SPTLC2: variants seen among roughly 807,000 people sequenced by gnomAD.
The protein encoded by SPTLC2 is serine palmitoyltransferase long chain base subunit 2, also known as serine palmitoyltransferase 2.
A neutral mutation model predicts 62.0 loss-of-function variants in SPTLC2; 21 were observed. The observed-to-expected ratio is 0.34, with a 90% confidence interval of 0.24 to 0.49. The LOEUF (loss-of-function observed/expected upper bound fraction) is 0.49, where lower values mean the gene tolerates loss of function less well. Ranked by LOEUF, SPTLC2 falls within the 20% of genes least tolerant of loss-of-function variation. The probability of loss-of-function intolerance (pLI) is 0.99; values close to 1 mark genes in which losing one functional copy is unlikely to be tolerated. For synonymous variants in SPTLC2, 261 were observed against 261.8 expected, an observed-to-expected ratio of 1.00 and a Z score of 0.03; for missense variants, 511 against 713.0, an observed-to-expected ratio of 0.72 and a Z score of 3.23.
intron 9 of SPTLC2, among the ~76,000 whole-genome samples, chr14:77,522,079 T>C (rs1873992481): frequency 6.6e-6 from 1 of 152,244 alleles, no homozygotes; most frequent in South Asian, 2.1e-4. Flanking sequence ...ATTTTACACA[T>C]AAGACCAGAG....
At position 77,539,844 on chromosome 14, in the gene SPTLC2, A is replaced by AAACGTGTAGTCAAAATCT. The variant is rs1342423331; in HGVS notation, c.1303+12251_1303+12252insAGATTTTGACTACACGTT. On this transcript the variant is annotated intron_variant, in intron 9 of 11. Transcript: ENST00000216484. ...TTTTTTTGTAGCTGGCACGTGGTTA[A>AAACGTGTAGTCAAAATCT]GTAGTCAAAAACAGATTGCTGACTG... Among the ~76,000 whole-genome samples the AAACGTGTAGTCAAAATCT allele has an allele frequency of 5.1e-3, 779 of 152,252 alleles. 6 individuals are homozygous for AAACGTGTAGTCAAAATCT. The highest frequency in any genetic ancestry group is 0.018 in the African/African-American group (732 of 41,538).
intron 7 of SPTLC2, among the ~76,000 whole-genome samples, chr14:77,556,331 AC>A (rs1349900490): frequency 2.4e-5 from 3 of 125,906 alleles, no homozygotes; most frequent in African/African-American, 9.1e-5. Context: ...AGCCACCCAA[AC>A]CACCAAAAAA....
At position 77,534,588 on chromosome 14, in the gene SPTLC2, T is replaced by TACACACACAAACACACACAC. The variant is rs1555373990; in HGVS notation, c.1304-13008_1304-13007insGTGTGTGTGTTTGTGTGTGT. The stretch of plus-strand genomic sequence containing the variant: ...ATAATAAACATTTCACATATTTCAG[T>TACACACACAAACACACACAC]ACACACACACACACACATATGCTAA... On this transcript the variant is annotated intron_variant, in intron 9 of 11. Coordinates refer to ENST00000216484, the MANE Select transcript of SPTLC2 (RefSeq NM_004863.4). Among the ~76,000 whole-genome samples the TACACACACAAACACACACAC allele has an allele frequency of 7.8e-5, 11 of 141,128 alleles. No individual in the cohort carries two copies. In the Admixed American group the frequency reaches 7.8e-4, roughly 10 times the overall value. The allele number at this position is 141,128 out of a possible 152,430, so 92.6% of individuals were successfully genotyped here.
intron 1 of SPTLC2, among the ~76,000 whole-genome samples, chr14:77,602,269 A>ATC (rs767589178): frequency 2.6e-5 from 4 of 152,264 alleles, no homozygotes; most frequent in Non-Finnish European, 4.4e-5. Flanking sequence ...AGCTCCACTT[A>ATC]GACTTCATGG....
chr14:77,531,450 C>T (rs1485412166), intron 9 of SPTLC2, among the ~76,000 whole-genome samples: 4 of 139,344 alleles, frequency 2.9e-5, no homozygotes, highest in African/African-American at 8.7e-5. Flanking sequence ...TCTTCTCCTC[C>T]TTCTCCTCCT....
chr14:77,519,501 G>A (rs1043578404), intron 10 of SPTLC2, among the ~76,000 whole-genome samples: 3 of 152,062 alleles, frequency 2.0e-5, no homozygotes, highest in African/African-American at 7.2e-5. Context: ...CAGATCACCT[G>A]AGGTCAGGAG....
chr14:77,560,321 C>T (rs977608837), intron 6 of SPTLC2, among the ~76,000 whole-genome samples: 8 of 152,194 alleles, frequency 5.3e-5, no homozygotes, highest in Non-Finnish European at 4.4e-5. Context: ...GGCGTGGTGG[C>T]TTATGCCTAT....
At chr14:77,585,575 T>C (rs1025101474) in intron 2 of SPTLC2, among the ~76,000 whole-genome samples, 2 of 152,182 alleles carry the variant, frequency 1.3e-5, no homozygotes, top group African/African-American at 4.8e-5. Context: ...TTGGAAAACA[T>C]GCTTAGAACT....
chr14:77,569,545 G>C (rs1240899754), intron 5 of SPTLC2, among the ~76,000 whole-genome samples: 3 of 151,804 alleles, frequency 2.0e-5, no homozygotes, highest in African/African-American at 7.3e-5. Flanking sequence ...ACACAGCTAA[G>C]TGTGACCATA....
intron 9 of SPTLC2, among the ~76,000 whole-genome samples, chr14:77,549,007 G>A (rs1011302269): frequency 2.6e-5 from 4 of 152,196 alleles, no homozygotes; most frequent in Non-Finnish European, 4.4e-5. Context: ...AATGATAAAT[G>A]TAATATATTC....
chr14:77,615,161 A>G (rs1286456241), intron 1 of SPTLC2, among the ~76,000 whole-genome samples: 1 of 152,208 alleles, frequency 6.6e-6, no homozygotes, highest in African/African-American at 2.4e-5. Context: ...GCTGACTGTT[A>G]TCACTTCCTC....
intron 1 of SPTLC2, among the ~76,000 whole-genome samples, chr14:77,606,985 C>T (rs1027019187): frequency 4.1e-5 from 6 of 146,824 alleles, no homozygotes; most frequent in Non-Finnish European, 7.5e-5. Context: ...CAAGACCCAT[C>T]TCAAAAAAAA....
chr14:77,526,248 C>T lies in SPTLC2; in HGVS notation c.1304-4667G>A, dbSNP rs533043612. ...TGCAAGAAGACCAATTGCTATTTAACGCCAGTGTAGTAGCTCAGTCCCAAG... is the reference window on the plus strand; with the variant it reads ...TGCAAGAAGACCAATTGCTATTTAATGCCAGTGTAGTAGCTCAGTCCCAAG... On this transcript the variant is annotated intron_variant, in intron 9 of 11. Transcript: ENST00000216484. Among the ~76,000 whole-genome samples the T allele has an allele frequency of 2.1e-4, 32 of 152,250 alleles. 1 individual carries two copies. The East Asian group carries it at 3.9e-3, about 18-fold the overall frequency.
chr14:77,567,479 T>C (rs1299665425), intron 5 of SPTLC2, among the ~76,000 whole-genome samples: 1 of 152,282 alleles, frequency 6.6e-6, no homozygotes, highest in Non-Finnish European at 1.5e-5. Flanking sequence ...CATACATTTA[T>C]GTCTTACAAG....
intron 11 of SPTLC2, among the ~76,000 whole-genome samples, chr14:77,513,159 G>A (rs2079341729): frequency 6.7e-6 from 1 of 150,214 alleles, no homozygotes; most frequent in African/African-American, 2.4e-5. Context: ...TGAGTAGCTG[G>A]GACTACAGGC....
At chr14:77,515,988 C>CTGTGTG (rs142493170) in intron 11 of SPTLC2, among the ~76,000 whole-genome samples, 9,888 of 151,026 alleles carry the variant, frequency 0.065, 479 homozygotes, top group Admixed American at 0.15. Flanking sequence ...TGAGCTCTAG[C>CTGTGTG]TGTGTGTGTG....
intron 9 of SPTLC2, among the ~76,000 whole-genome samples, chr14:77,537,239 A>C (rs1310168520): frequency 6.6e-6 from 1 of 151,820 alleles, no homozygotes; most frequent in Non-Finnish European, 1.5e-5. Flanking sequence ...TATCTTTAAA[A>C]ACCCCAAAGA....
chr14:77,596,036 GT>G (rs1166278032), intron 2 of SPTLC2, among the ~76,000 whole-genome samples: 1 of 151,854 alleles, frequency 6.6e-6, no homozygotes, highest in Non-Finnish European at 1.5e-5. Context: ...TCAATAACAA[GT>G]AAAAAAAACA....
intron 9 of SPTLC2, 107 bp from the exon 10 acceptor site, chr14:77,521,688 T>G: frequency 1.0e-6 from 1 of 999,186 alleles, no homozygotes; most frequent in Non-Finnish European, 1.5e-6. Flanking sequence ...TTCTGTTTCG[T>G]TTTTTTCCAT....
Sources: gnomAD v4.1 joint callset for allele counts (sites outside exome capture counted in the v4.1 genomes callset) on GRCh38, gnomAD v4.1.1 for gene constraint, MANE v1.5 for transcripts, NCBI Gene and HGNC (gene_info 2026-07-23, HGNC 2026-07-21) for gene names.